The following BCAS3 variants were observed in gnomAD, a reference collection of about 807,000 sequenced individuals.
BCAS3 encodes the protein BCAS3 microtubule associated cell migration factor.
BCAS3 carries 53 observed loss-of-function variants against 116.1 expected under a neutral mutation model. The ratio of observed to expected loss-of-function variants is 0.46; its 90% CI spans 0.37 to 0.57. The LOEUF (loss-of-function observed/expected upper bound fraction) is 0.57. Among genes scored for constraint, BCAS3 ranks in the 20% least tolerant of loss-of-function variants. The probability of loss-of-function intolerance (pLI) is 0.00; values close to 1 mark genes in which losing one functional copy is unlikely to be tolerated. For missense variants in BCAS3, 917 were observed against 1,165.4 expected, an observed-to-expected ratio of 0.79 and a Z score of 3.10; for synonymous variants, 391 against 408.2, an observed-to-expected ratio of 0.96 and a Z score of 0.51.
At chr17:61,287,732 CAAA>C (rs1568759404) in intron 22 of BCAS3, among the ~76,000 whole-genome samples, 8 of 150,444 alleles carry the variant, frequency 5.3e-5, no homozygotes, top group African/African-American at 2.0e-4. Context: ...TGTCAAAAAA[CAAA>C]AAACAAAACA....
chr17:61,045,822 T>TC (rs1491176130), intron 19 of BCAS3, among the ~76,000 whole-genome samples: 33 of 27,956 alleles, frequency 1.2e-3, no homozygotes, highest in African/African-American at 5.8e-3. Flanking sequence ...TTCATCTCTC[T>TC]TTCTCTCTCT....
intron 6 of BCAS3, among the ~76,000 whole-genome samples, chr17:60,778,814 A>ATTCT (rs1438105100): frequency 6.6e-6 from 1 of 152,128 alleles, no homozygotes; most frequent in Non-Finnish European, 1.5e-5. Context: ...CTGTAGTAGT[A>ATTCT]TTCTTTTGGT....
At chr17:60,681,057 T>G (rs1315500597) in intron 2 of BCAS3, among the ~76,000 whole-genome samples, 2 of 152,090 alleles carry the variant, frequency 1.3e-5, no homozygotes, top group African/African-American at 4.8e-5. Context: ...ATACAAAAAT[T>G]AGCCAGGCAT....
At chr17:61,054,940 C>G (rs1431162322) in intron 19 of BCAS3, among the ~76,000 whole-genome samples, 1 of 152,108 alleles carries the variant, frequency 6.6e-6, no homozygotes, top group Non-Finnish European at 1.5e-5. Flanking sequence ...GAAAAAGCAT[C>G]TATTGGTTGT....
At chr17:60,766,797 C>G (rs1355563140) in intron 6 of BCAS3, among the ~76,000 whole-genome samples, 1 of 152,214 alleles carries the variant, frequency 6.6e-6, no homozygotes, top group East Asian at 1.9e-4. Flanking sequence ...TGCTCTGTCC[C>G]CACAGGTGGA....
At chr17:60,773,207 A>G (rs1416883547) in intron 6 of BCAS3, among the ~76,000 whole-genome samples, 2 of 151,416 alleles carry the variant, frequency 1.3e-5, no homozygotes, top group Non-Finnish European at 2.9e-5. Flanking sequence ...CTCTAATGAC[A>G]TATGATGTGG....
At chr17:60,745,050 C>T in intron 5 of BCAS3, among the ~76,000 whole-genome samples, 1 of 151,796 alleles carries the variant, frequency 6.6e-6, no homozygotes, top group East Asian at 1.9e-4. Context: ...TTGAGTACAG[C>T]AGCTCATTTA....
intron 9 of BCAS3, chr17:60,886,975 A>T (rs2056710790): frequency 6.4e-6 from 1 of 156,286 alleles, no homozygotes; most frequent in African/African-American, 2.4e-5. Flanking sequence ...GGCTCCACCC[A>T]GTTGGAGCTT....
chr17:61,127,892 C>T (rs1221028654), intron 22 of BCAS3, among the ~76,000 whole-genome samples: 1 of 151,502 alleles, frequency 6.6e-6, no homozygotes, highest in Admixed American at 6.6e-5. Flanking sequence ...CATACTGCTT[C>T]TGTGTGAAAA....
intron 22 of BCAS3, among the ~76,000 whole-genome samples, chr17:61,253,585 C>T (rs904811536): frequency 6.6e-6 from 1 of 151,652 alleles, no homozygotes; most frequent in Admixed American, 6.6e-5. Flanking sequence ...CTAGGCATGG[C>T]GTATGAGCTC....
chr17:61,091,813 C>G (rs16944823), intron 22 of BCAS3, among the ~76,000 whole-genome samples: 6,290 of 152,274 alleles, frequency 0.041, 463 homozygotes, highest in African/African-American at 0.14. Context: ...TAGTTCTAGT[C>G]TCAGCGGAGT....
At chr17:60,683,486 T>C (rs2033500067) in intron 2 of BCAS3, among the ~76,000 whole-genome samples, 1 of 140,816 alleles carries the variant, frequency 7.1e-6, no homozygotes, top group Non-Finnish European at 1.5e-5. Context: ...AGCAGAAATA[T>C]CAGGTGATAA....
intron 19 of BCAS3, among the ~76,000 whole-genome samples, chr17:61,074,113 G>GA (rs917229045): frequency 0.023 from 1,426 of 61,230 alleles, 14 homozygotes; most frequent in Middle Eastern, 0.082. Context: ...TATCTCTTAA[G>GA]AAAAAAAAAA....
intron 7 of BCAS3, 122 bp from the exon 8 acceptor site, chr17:60,868,454 G>A (rs568694514): frequency 7.5e-5 from 40 of 534,040 alleles, no homozygotes; most frequent in African/African-American, 7.4e-4. Context: ...GATAAGTTTT[G>A]AATCAATTTA....
intron 15 of BCAS3, among the ~76,000 whole-genome samples, chr17:61,005,011 C>T (rs1176472551): frequency 1.3e-5 from 2 of 152,078 alleles, no homozygotes; most frequent in Non-Finnish European, 2.9e-5. Flanking sequence ...CATGACAGTA[C>T]TCATAAATGA....
In BCAS3 at chr17:61,256,421, A is replaced by T. The variant is rs2048783569; in HGVS notation, c.2426-111906A>T. 6.6e-6 allele frequency among the ~76,000 whole-genome samples: 1 copy of T among 152,102 alleles called. No homozygotes were observed. The highest frequency in any genetic ancestry group is 2.4e-5 in the African/African-American group (1 of 41,420). On this transcript the variant is annotated intron_variant, in intron 22 of 23. Coordinates refer to ENST00000407086, the MANE Select transcript of BCAS3 (RefSeq NM_017679.5). The surrounding 1 kb of genome is among the most constrained non-coding windows in gnomAD (Gnocchi z 5.6). ...GGGGTTCAAGTGATTCTCCTGTCTC[A>T]GCCTCCTGAGTAGCTGGGATTACAG...
Position 61,019,671 on chromosome 17 carries a change from A to C in BCAS3, c.1637+3770A>C, listed in dbSNP as rs1237184516. 6.6e-6 allele frequency among the ~76,000 whole-genome samples: 1 copy of C among 152,172 alleles called. No homozygotes were observed. Among genetic ancestry groups the C allele is most frequent in the African/African-American group, 2.4e-5 (1 of 41,450 alleles). On this transcript the variant is annotated intron_variant, in intron 16 of 23. Transcript: ENST00000407086. The surrounding 1 kb of genome is among the most constrained non-coding windows in gnomAD (Gnocchi z 5.6). ...TAGCTTTCATCCTATTAGATTTTAA[A>C]GGCTATATTTATTTTATTAAATTTT... is the stretch of plus-strand genomic sequence containing the variant.
intron 9 of BCAS3, among the ~76,000 whole-genome samples, chr17:60,876,915 T>C (rs932243248): frequency 1.3e-5 from 2 of 152,138 alleles, no homozygotes; most frequent in Non-Finnish European, 2.9e-5. Flanking sequence ...TTAATGATTT[T>C]TTTTGTTCTC....
At chr17:61,048,751 G>A (rs983698121) in intron 19 of BCAS3, among the ~76,000 whole-genome samples, 1 of 151,882 alleles carries the variant, frequency 6.6e-6, no homozygotes, top group Non-Finnish European at 1.5e-5. Context: ...AAAAAATGCT[G>A]AAGACTGCAG....
Sources: gnomAD v4.1 joint callset for allele counts (sites outside exome capture counted in the v4.1 genomes callset) on GRCh38, gnomAD v4.1.1 for gene constraint, Gnocchi (gnomAD v3.1) non-coding constraint, MANE v1.5 for transcripts, NCBI Gene and HGNC (gene_info 2026-07-23, HGNC 2026-07-21) for gene names.